The following TCERG1L variants were observed in gnomAD, a reference collection of about 807,000 sequenced individuals.
The protein encoded by TCERG1L is transcription elongation regulator 1 like.
TCERG1L carries 37 observed loss-of-function variants against 56.3 expected under a neutral mutation model. The ratio of observed to expected loss-of-function variants is 0.66; its 90% CI spans 0.51 to 0.87. TCERG1L has a LOEUF of 0.87. Ranked by LOEUF, TCERG1L falls within the 40% of genes least tolerant of loss-of-function variation. The probability of loss-of-function intolerance (pLI) is 0.00; values close to 1 mark genes in which losing one functional copy is unlikely to be tolerated. For synonymous variants in TCERG1L, 324 were observed against 326.3 expected, an observed-to-expected ratio of 0.99 and a Z score of 0.08; for missense variants, 799 against 774.2, an observed-to-expected ratio of 1.03 and a Z score of -0.38.
At chr10:131,199,621 A>G (rs990761277) in intron 4 of TCERG1L, among the ~76,000 whole-genome samples, 8 of 152,180 alleles carry the variant, frequency 5.3e-5, no homozygotes, top group Non-Finnish European at 1.0e-4. Flanking sequence ...GGGCATTAAA[A>G]CTATGACAGC....
rs61028469 is a variant in TCERG1L at position 131,298,692 on chromosome 10, G to A, written c.670+9519C>T. ...GCCTCCCAAAGTGCTGGGATTAGAG[G>A]CATGAGCCACGGCGTCCAGCCCTAC... On this transcript the variant is annotated intron_variant, in intron 3 of 11. Coordinates refer to ENST00000368642, the MANE Select transcript of TCERG1L (RefSeq NM_174937.4). Among the ~76,000 whole-genome samples, 1,109 of 152,340 alleles carry A rather than the reference G, an allele frequency of 7.3e-3. 14 individuals carry two copies. Among genetic ancestry groups the A allele is most frequent in the African/African-American group, 0.025 (1,047 of 41,564 alleles).
At chr10:131,130,640 A>G (rs1016723662) in intron 8 of TCERG1L, among the ~76,000 whole-genome samples, 3 of 152,194 alleles carry the variant, frequency 2.0e-5, no homozygotes, top group Non-Finnish European at 4.4e-5. Context: ...GTCATTTCTC[A>G]TAATACAGAA....
At chr10:131,274,182 G>T (rs111752238) in intron 3 of TCERG1L, among the ~76,000 whole-genome samples, 1 of 152,112 alleles carries the variant, frequency 6.6e-6, no homozygotes, top group Admixed American at 6.5e-5. Context: ...AAAGATTCTC[G>T]TAAACTACAT....
At chr10:131,255,804 TG>T (rs1846160225) in intron 4 of TCERG1L, among the ~76,000 whole-genome samples, 1 of 152,228 alleles carries the variant, frequency 6.6e-6, no homozygotes. Context: ...CTCATAGGAA[TG>T]ATTTCCCTGT....
chr10:131,125,048 A>C (rs889325915), intron 8 of TCERG1L, among the ~76,000 whole-genome samples: 1 of 152,248 alleles, frequency 6.6e-6, no homozygotes, highest in Non-Finnish European at 1.5e-5. Flanking sequence ...GGAAAAACTG[A>C]CTTAATGCAT....
Position 131,276,643 on chromosome 10 carries a change from T to C in TCERG1L, c.671-16199A>G, listed in dbSNP as rs113783471. On this transcript the variant is annotated intron_variant, in intron 3 of 11. Coordinates refer to ENST00000368642, the MANE Select transcript of TCERG1L (RefSeq NM_174937.4). ...ACAATTTTCAGGGATTCTCCTGCTT[T>C]GCTGAGTCTATCTTGGTTATGAAAT... 6.9e-3 allele frequency among the ~76,000 whole-genome samples: 1,044 copies of C among 152,346 alleles called. 10 individuals carry two copies. The highest frequency in any genetic ancestry group is 0.01 in the Middle Eastern group (3 of 294).
rs909664248 is a variant in TCERG1L at position 131,191,181 on chromosome 10, G to T, written c.857-24296C>A. ...TAGGAATATACTTCATCCAGGAGGTGAAAAATCTCTACAAGGAGAACTACA... is the reference window on the plus strand; with the variant it reads ...TAGGAATATACTTCATCCAGGAGGTTAAAAATCTCTACAAGGAGAACTACA... On this transcript the variant is annotated intron_variant, in intron 4 of 11. Coordinates refer to ENST00000368642, the MANE Select transcript of TCERG1L (RefSeq NM_174937.4). 1.6e-4 allele frequency among the ~76,000 whole-genome samples: 23 copies of T among 144,052 alleles called. 5 individuals are homozygous for T. The highest frequency in any genetic ancestry group is 6.0e-4 in the African/African-American group (23 of 38,282). 94.5% of individuals were successfully genotyped at this position (144,052 alleles called of 152,430 possible). A position where few individuals can be genotyped will look rare whatever the true frequency, so the allele number is the denominator to read the frequency against.
intron 4 of TCERG1L, among the ~76,000 whole-genome samples, chr10:131,226,559 G>A (rs989132802): frequency 4.6e-5 from 7 of 152,212 alleles, no homozygotes; most frequent in Non-Finnish European, 8.8e-5. Context: ...TTAGCATTCA[G>A]CAGAAGCAAG....
intron 9 of TCERG1L, among the ~76,000 whole-genome samples, chr10:131,106,559 G>C (rs1845353367): frequency 1.3e-5 from 2 of 152,186 alleles, no homozygotes; most frequent in Non-Finnish European, 2.9e-5. Context: ...GAAGGTGCAG[G>C]GAAGTGGCAG....
At chr10:131,261,598 T>C (rs1278178775) in intron 3 of TCERG1L, among the ~76,000 whole-genome samples, 2 of 152,236 alleles carry the variant, frequency 1.3e-5, no homozygotes. Flanking sequence ...AAAAATCATA[T>C]AGGTTCCTGC....
At chr10:131,138,922 TA>T (rs1845702925) in intron 7 of TCERG1L, among the ~76,000 whole-genome samples, 1 of 152,206 alleles carries the variant, frequency 6.6e-6, no homozygotes. Flanking sequence ...AGTAAAATAT[TA>T]TAATAATATT....
intron 10 of TCERG1L, among the ~76,000 whole-genome samples, chr10:131,099,891 TC>T (rs1845288647): frequency 1.3e-5 from 2 of 152,156 alleles, no homozygotes; most frequent in African/African-American, 4.8e-5. Context: ...TGAGGCAGAG[TC>T]TTGCTCTATT....
At chr10:131,240,426 TA>T (rs1359199342) in intron 4 of TCERG1L, among the ~76,000 whole-genome samples, 7 of 151,240 alleles carry the variant, frequency 4.6e-5, no homozygotes, top group Non-Finnish European at 1.0e-4. Context: ...TTGCACCCCA[TA>T]AATTTCCTGA....
chr10:131,203,410 G>C (rs552934662), intron 4 of TCERG1L, among the ~76,000 whole-genome samples: 1 of 152,040 alleles, frequency 6.6e-6, no homozygotes, highest in South Asian at 2.1e-4. Context: ...TGACAAAAAA[G>C]CACCCTAAGA....
At chr10:131,096,873 G>A (rs565665903) in intron 11 of TCERG1L, among the ~76,000 whole-genome samples, 2 of 137,710 alleles carry the variant, frequency 1.5e-5, no homozygotes, top group East Asian at 2.1e-4. Context: ...GCAACAGAGC[G>A]ACTCCATCTC....
At position 131,123,781 on chromosome 10, in the gene TCERG1L, C is replaced by T. The variant is rs541613098; in HGVS notation, c.1260-6847G>A. Among the ~76,000 whole-genome samples the T allele has an allele frequency of 2.6e-5, 4 of 152,294 alleles. No homozygotes were observed. The East Asian group carries it at 7.8e-4, about 30-fold the overall frequency. ...GAGCCAGGGTGAGAGCAGGTTCCTG[C>T]CCAGAGCTGCCTCTGGAGTGCACGG... On this transcript the variant is annotated intron_variant, in intron 8 of 11. Transcript: ENST00000368642.
rs145179594 is a variant in TCERG1L at position 131,198,119 on chromosome 10, C to T, written c.857-31234G>A. The stretch of plus-strand genomic sequence containing the variant: ...TGTGGCGACATGCCCATGGGTGCAG[C>T]GCTGCTGTGTCTCTGCCCAATGGTC... On this transcript the variant is annotated intron_variant, in intron 4 of 11. Transcript: ENST00000368642. Among the ~76,000 whole-genome samples, 609 of 152,304 alleles carry T rather than the reference C, an allele frequency of 4.0e-3. 2 individuals carry two copies. The highest frequency in any genetic ancestry group is 7.2e-3 in the Non-Finnish European group (491 of 68,030).
chr10:131,251,442 C>T (rs995626430), intron 4 of TCERG1L, among the ~76,000 whole-genome samples: 1 of 152,200 alleles, frequency 6.6e-6, no homozygotes, highest in African/African-American at 2.4e-5. Context: ...AGACCCCACC[C>T]AGTCTGCCAG....
At chr10:131,097,008 C>T (rs1411693705) in intron 11 of TCERG1L, among the ~76,000 whole-genome samples, 4 of 151,296 alleles carry the variant, frequency 2.6e-5, no homozygotes, top group Admixed American at 6.6e-5. Context: ...AAGACCAGCC[C>T]GGTCAACATG....
Sources: gnomAD v4.1 joint callset for allele counts (sites outside exome capture counted in the v4.1 genomes callset) on GRCh38, gnomAD v4.1.1 for gene constraint, MANE v1.5 for transcripts, NCBI Gene and HGNC (gene_info 2026-07-23, HGNC 2026-07-21) for gene names.